The following NRXN1 variants were observed in gnomAD, a reference collection of about 807,000 sequenced individuals.
NRXN1 encodes neurexin-1.
A neutral mutation model predicts 150.9 loss-of-function variants in NRXN1; 39 were observed. The ratio of observed to expected loss-of-function variants is 0.26; its 90% CI spans 0.20 to 0.34. NRXN1 has a LOEUF of 0.34. NRXN1 is among the 10% of genes least tolerant of loss of function. The probability of loss-of-function intolerance (pLI) is 1.00; values close to 1 mark genes in which losing one functional copy is unlikely to be tolerated. For synonymous variants in NRXN1, 924 were observed against 757.0 expected (o/e 1.22, Z -3.62); for missense variants, 1,815 against 1,949.9 (o/e 0.93, Z 1.30).
chr2:50,557,503 C>G (rs1181278618), intron 8 of NRXN1, among the ~76,000 whole-genome samples: 1 of 152,102 alleles, frequency 6.6e-6, no homozygotes, highest in Non-Finnish European at 1.5e-5. Context: ...GTTCTCAAGT[C>G]AGATTTCAGA....
intron 8 of NRXN1, among the ~76,000 whole-genome samples, chr2:50,574,700 T>C (rs1671133637): frequency 1.3e-5 from 2 of 152,160 alleles, no homozygotes; most frequent in South Asian, 4.1e-4. Flanking sequence ...AATTAATTAT[T>C]CCCCTATGCT....
intron 5 of NRXN1, among the ~76,000 whole-genome samples, chr2:50,864,397 C>T (rs1262142017): frequency 1.3e-5 from 2 of 151,992 alleles, no homozygotes; most frequent in Admixed American, 6.6e-5. Flanking sequence ...TTCCAAGAGA[C>T]TAGCAGAGTG....
intron 14 of NRXN1, among the ~76,000 whole-genome samples, chr2:50,496,771 C>T (rs1316964755): frequency 1.3e-5 from 2 of 152,090 alleles, no homozygotes; most frequent in Non-Finnish European, 2.9e-5. Flanking sequence ...CCTGATGTAG[C>T]ATATTGTAAA....
intron 17 of NRXN1, among the ~76,000 whole-genome samples, chr2:50,336,313 T>C (rs1170826232): frequency 2.0e-5 from 3 of 152,210 alleles, no homozygotes; most frequent in African/African-American, 4.8e-5. Flanking sequence ...CTCCAACTTA[T>C]AGTCTAATAT....
At position 50,495,933 on chromosome 2, in the gene NRXN1, G is replaced by A. The variant is rs75137449; in HGVS notation, c.3042C>T (p.Thr1014=). 6.6e-5 allele frequency: 106 copies of A among 1,608,524 alleles called. No individual in the cohort carries two copies. Among genetic ancestry groups the A allele is most frequent in the Non-Finnish European group, 8.0e-5 (94 of 1,176,898 alleles). Residue 1014 remains threonine, a synonymous_variant, in exon 15 of 23, where the codon ACC becomes ACT. Coordinates refer to ENST00000401669, the MANE Select transcript of NRXN1 (RefSeq NM_001330078.2). ...TGAGGTCTAAGTTCCTGGCTCCGGC[G>A]GTGATTTGCGTTGTGATTTTTGTGT... The part of the protein sequence containing the change: ...KIDTKITTQI[T]AGARNLDLKS...
At chr2:50,480,360 C>G (rs771295909) in intron 15 of NRXN1, among the ~76,000 whole-genome samples, 14 of 152,064 alleles carry the variant, frequency 9.2e-5, no homozygotes, top group East Asian at 1.9e-4. Context: ...TAAATTTGAG[C>G]CTATCCTGGC....
chr2:50,629,503 G>A (rs570877433), intron 5 of NRXN1, among the ~76,000 whole-genome samples: 1 of 151,480 alleles, frequency 6.6e-6, no homozygotes, highest in African/African-American at 2.4e-5. Flanking sequence ...GAACTCTTGG[G>A]GTACAATTAA....
At chr2:51,003,339 T>C (rs929803952) in intron 2 of NRXN1, among the ~76,000 whole-genome samples, 2 of 151,946 alleles carry the variant, frequency 1.3e-5, no homozygotes, top group African/African-American at 2.4e-5. Context: ...GTAAGGAATA[T>C]ACAACATTGA....
intron 17 of NRXN1, among the ~76,000 whole-genome samples, chr2:50,324,509 T>C (rs984283187): frequency 6.6e-6 from 1 of 152,244 alleles, no homozygotes; most frequent in Non-Finnish European, 1.5e-5. Context: ...CATATACATG[T>C]GTAAAGTGTG....
chr2:50,300,117 G>A (rs1010802306), intron 17 of NRXN1, among the ~76,000 whole-genome samples: 5 of 152,024 alleles, frequency 3.3e-5, no homozygotes, highest in African/African-American at 1.2e-4. Flanking sequence ...GAATATGAGA[G>A]CAATTTTTCT....
At chr2:50,487,500 C>T (rs2090959092) in intron 15 of NRXN1, among the ~76,000 whole-genome samples, 1 of 152,194 alleles carries the variant, frequency 6.6e-6, no homozygotes. Context: ...AGAGCCACAA[C>T]AGTGCTATGT....
chr2:49,947,345 A>C (rs1426037409), intron 21 of NRXN1, among the ~76,000 whole-genome samples: 1 of 151,896 alleles, frequency 6.6e-6, no homozygotes, highest in Admixed American at 6.6e-5. Flanking sequence ...TGATATTGCC[A>C]CCTTTTCCTT....
chr2:49,923,339 GT>G (rs1254242225), intron 22 of NRXN1, among the ~76,000 whole-genome samples: 3 of 152,198 alleles, frequency 2.0e-5, no homozygotes, highest in African/African-American at 7.2e-5. Flanking sequence ...TGTGTTTTCT[GT>G]TTTTCCCTGA....
chr2:50,724,059 T>C (rs1281038122), intron 5 of NRXN1, among the ~76,000 whole-genome samples: 1 of 152,222 alleles, frequency 6.6e-6, no homozygotes, highest in East Asian at 1.9e-4. Flanking sequence ...CAAGATCCAT[T>C]GTGATGATCT....
chr2:50,729,642 G>A (rs1697838198), intron 5 of NRXN1, among the ~76,000 whole-genome samples: 2 of 152,140 alleles, frequency 1.3e-5, no homozygotes, highest in South Asian at 4.1e-4. Flanking sequence ...TGCTCCACCT[G>A]TCTTCAGGCC....
At chr2:50,906,053 T>C (rs1366958554) in intron 5 of NRXN1, among the ~76,000 whole-genome samples, 2 of 152,126 alleles carry the variant, frequency 1.3e-5, no homozygotes, top group Admixed American at 6.6e-5. Context: ...AATGGTGTTA[T>C]ATAGTGGATT....
At chr2:50,435,801 T>A (rs1458236644) in intron 17 of NRXN1, among the ~76,000 whole-genome samples, 10 of 152,072 alleles carry the variant, frequency 6.6e-5, no homozygotes, top group Non-Finnish European at 1.3e-4. Flanking sequence ...GGGGCCTTCT[T>A]GAGGGTGGAG....
chr2:50,399,042 T>C (rs1299123849), intron 17 of NRXN1, among the ~76,000 whole-genome samples: 4 of 152,270 alleles, frequency 2.6e-5, no homozygotes, highest in Admixed American at 2.6e-4. Flanking sequence ...TTGGAGGTCA[T>C]AATGGATTTT....
chr2:50,135,431 G>T (rs560295050), intron 18 of NRXN1, among the ~76,000 whole-genome samples: 1 of 151,902 alleles, frequency 6.6e-6, no homozygotes, highest in African/African-American at 2.4e-5. Flanking sequence ...GGTGGCTCAC[G>T]CCTGTAATCC....
Sources: gnomAD v4.1 joint callset for allele counts (sites outside exome capture counted in the v4.1 genomes callset) on GRCh38, gnomAD v4.1.1 for gene constraint, MANE v1.5 for transcripts, NCBI Gene and HGNC (gene_info 2026-07-23, HGNC 2026-07-21) for gene names.